GBE1: variants seen among roughly 807,000 people sequenced by gnomAD.
GBE1 encodes the protein 1,4-alpha-glucan-branching enzyme.
GBE1 carries 70 observed loss-of-function variants against 88.8 expected under a neutral mutation model. The ratio of observed to expected loss-of-function variants is 0.79; its 90% confidence interval spans 0.65 to 0.96. GBE1 has a LOEUF of 0.96. Among genes scored for constraint, GBE1 ranks in the 40% least tolerant of loss-of-function variants. The pLI, the probability that GBE1 is intolerant of heterozygous loss-of-function variation, is 0.00. For missense variants in GBE1, 872 were observed against 871.0 expected (o/e 1.00, Z -0.01); for synonymous variants, 284 against 300.1 (o/e 0.95, Z 0.56).
intron 14 of GBE1, among the ~76,000 whole-genome samples, chr3:81,505,756 A>T (rs942499669): frequency 6.6e-6 from 1 of 151,324 alleles, no homozygotes; most frequent in Non-Finnish European, 1.5e-5. Flanking sequence ...GTGTGTGTCT[A>T]TGTGTGTGTG....
intron 7 of GBE1, among the ~76,000 whole-genome samples, chr3:81,629,936 A>G (rs1704483284): frequency 7.4e-6 from 1 of 135,632 alleles, no homozygotes; most frequent in South Asian, 2.2e-4. Context: ...CTCATTGTTC[A>G]ATTCCCACGT....
intron 1 of GBE1, among the ~76,000 whole-genome samples, chr3:81,758,224 G>A (rs1706629935): frequency 6.6e-6 from 1 of 152,200 alleles, no homozygotes; most frequent in South Asian, 2.1e-4. Flanking sequence ...TCATGGTTTT[G>A]TTATGAGGAT....
rs141276149 is a variant in GBE1 at position 81,539,121 on chromosome 3, G to A, written c.1619-2026C>T. Among the ~76,000 whole-genome samples, 22 of 152,122 alleles carry A rather than the reference G, an allele frequency of 1.4e-4. No individual in the cohort carries two copies. The East Asian group carries it at 4.3e-3, about 30-fold the overall frequency. ...TCAATTTTACAGATAAGGAAACTGA[G>A]GCACAAAGATGTTACACAGTAATTA... On this transcript the variant is annotated intron_variant, in intron 12 of 15. Transcript: ENST00000429644.
At chr3:81,507,559 G>A (rs549182125) in intron 14 of GBE1, among the ~76,000 whole-genome samples, 3 of 149,178 alleles carry the variant, frequency 2.0e-5, no homozygotes, top group African/African-American at 7.5e-5. Flanking sequence ...GCAAGACTCC[G>A]TCTCAAAAAC....
At chr3:81,519,727 T>C (rs1702847342) in intron 14 of GBE1, among the ~76,000 whole-genome samples, 1 of 151,344 alleles carries the variant, frequency 6.6e-6, no homozygotes, top group South Asian at 2.1e-4. Flanking sequence ...GAACTTCACA[T>C]GTAAGTTTTG....
In GBE1 at chr3:81,713,003, C is replaced by T. The variant is rs2594546; in HGVS notation, c.144-7390G>A. Among the ~76,000 whole-genome samples, 1,200 of 152,122 alleles carry T rather than the reference C, an allele frequency of 7.9e-3. 11 individuals are homozygous for T. Among genetic ancestry groups the T allele is most frequent in the African/African-American group, 0.028 (1,147 of 41,512 alleles). On this transcript the variant is annotated intron_variant, in intron 1 of 15. Transcript: ENST00000429644. ...ATGTTCCTCAATCAGGGCAATTATTCGACAAAAATACCCAACATACTTATT... is the reference window on the plus strand; with the variant it reads ...ATGTTCCTCAATCAGGGCAATTATTTGACAAAAATACCCAACATACTTATT...
At chr3:81,635,297 T>C (rs1197147023) in intron 7 of GBE1, among the ~76,000 whole-genome samples, 1 of 152,088 alleles carries the variant, frequency 6.6e-6, no homozygotes, top group Non-Finnish European at 1.5e-5. Context: ...AACTCAATAG[T>C]GATGCCTCAA....
At position 81,710,168 on chromosome 3, in the gene GBE1, T is replaced by C. The variant is rs867886802; in HGVS notation, c.144-4555A>G. On this transcript the variant is annotated intron_variant, in intron 1 of 15. Coordinates refer to ENST00000429644, the MANE Select transcript of GBE1 (RefSeq NM_000158.4). ...GGTAGATTTCAAGTTAAATCTCAAA[T>C]TAAAAGTCATATTTCACTTTTAAAG... is the stretch of plus-strand genomic sequence containing the variant. 2.0e-5 allele frequency among the ~76,000 whole-genome samples: 3 copies of C among 151,388 alleles called. No individual in the cohort carries two copies. The South Asian group carries it at 6.2e-4, about 31-fold the overall frequency.
intron 7 of GBE1, among the ~76,000 whole-genome samples, chr3:81,610,266 T>C (rs1294133481): frequency 6.6e-6 from 1 of 152,200 alleles, no homozygotes; most frequent in African/African-American, 2.4e-5. Context: ...TGATACAGCA[T>C]GTTAATCAGT....
intron 1 of GBE1, among the ~76,000 whole-genome samples, chr3:81,755,709 T>C (rs1045729890): frequency 2.0e-5 from 3 of 152,096 alleles, no homozygotes; most frequent in African/African-American, 7.2e-5. Context: ...TTAAGTGAGA[T>C]AAGCCAAGTA....
intron 3 of GBE1, among the ~76,000 whole-genome samples, chr3:81,662,045 A>G (rs1705039062): frequency 1.3e-5 from 2 of 151,864 alleles, no homozygotes; most frequent in Non-Finnish European, 2.9e-5. Context: ...TTATTTATTT[A>G]TTTTTAGACG....
intron 1 of GBE1, among the ~76,000 whole-genome samples, chr3:81,743,788 TA>T (rs1175482662): frequency 6.6e-6 from 1 of 151,948 alleles, no homozygotes; most frequent in Non-Finnish European, 1.5e-5. Flanking sequence ...CATTTAGCAT[TA>T]AAAAAAGACA....
intron 12 of GBE1, among the ~76,000 whole-genome samples, chr3:81,577,418 C>A (rs1412994298): frequency 6.6e-6 from 1 of 152,012 alleles, no homozygotes; most frequent in East Asian, 1.9e-4. Flanking sequence ...ACAAAAATGA[C>A]CTTTCAGTAT....
intron 10 of GBE1, 145 bp downstream of exon 10, chr3:81,585,947 A>G: frequency 1.9e-6 from 1 of 515,558 alleles, no homozygotes. Flanking sequence ...CTTATTAAAA[A>G]GCATAAGAAT....
intron 1 of GBE1, among the ~76,000 whole-genome samples, chr3:81,738,833 G>A (rs1204472684): frequency 2.0e-5 from 3 of 152,140 alleles, no homozygotes; most frequent in Non-Finnish European, 4.4e-5. Flanking sequence ...TAAGGGTTAG[G>A]AAAGTTAAAT....
chr3:81,697,533 C>T (rs1442316291), intron 2 of GBE1, among the ~76,000 whole-genome samples: 5 of 152,156 alleles, frequency 3.3e-5, no homozygotes, highest in Admixed American at 1.3e-4. Context: ...ATCTCCTGAC[C>T]TCGTGATCCG....
chr3:81,578,118 AG>A, intron 11 of GBE1, 22 bp from the exon 12 acceptor site: 1 of 1,543,478 alleles, frequency 6.5e-7, no homozygotes, highest in Admixed American at 2.1e-5. Flanking sequence ...AAAGTAATGG[AG>A]ATAAATGAAA....
chr3:81,741,083 T>C (rs1341053920), intron 1 of GBE1, among the ~76,000 whole-genome samples: 1 of 152,166 alleles, frequency 6.6e-6, no homozygotes, highest in Non-Finnish European at 1.5e-5. Flanking sequence ...GAGCCTTAAC[T>C]AAAAACCAAA....
intron 14 of GBE1, among the ~76,000 whole-genome samples, chr3:81,520,687 C>A (rs1163368262): frequency 6.6e-6 from 1 of 151,506 alleles, no homozygotes; most frequent in Non-Finnish European, 1.5e-5. Context: ...TCTTTCTAAG[C>A]ATGAAATATG....
Sources: gnomAD v4.1 joint callset for allele counts (sites outside exome capture counted in the v4.1 genomes callset) on GRCh38, gnomAD v4.1.1 for gene constraint, MANE v1.5 for transcripts, NCBI Gene and HGNC (gene_info 2026-07-23, HGNC 2026-07-21) for gene names.